The following CLIP1 variants were observed in gnomAD, a reference collection of about 807,000 sequenced individuals.
CLIP1 encodes the protein CAP-Gly domain-containing linker protein 1.
A neutral mutation model predicts 161.6 loss-of-function variants in CLIP1; 66 were observed. The ratio of observed to expected loss-of-function variants is 0.41; its 90% CI spans 0.33 to 0.50. CLIP1 has a LOEUF of 0.50. Ranked by LOEUF, CLIP1 falls within the 20% of genes least tolerant of loss-of-function variation. The pLI, the probability that CLIP1 is intolerant of heterozygous loss-of-function variation, is 0.27. For synonymous variants in CLIP1, 598 were observed against 626.2 expected (o/e 0.96, Z 0.67); for missense variants, 1,376 against 1,702.0 (o/e 0.81, Z 3.37).
intron 1 of CLIP1, among the ~76,000 whole-genome samples, chr12:122,391,558 C>T (rs573585914): frequency 3.2e-4 from 49 of 152,218 alleles, no homozygotes; most frequent in Non-Finnish European, 6.6e-4. Flanking sequence ...CGTACTCCAG[C>T]CTGGGGCACA....
chr12:122,296,837 C>G lies in CLIP1; in HGVS notation c.3595-8296G>C, dbSNP rs183051406. On this transcript the variant is annotated intron_variant, in intron 20 of 25. Transcript: ENST00000620786. The stretch of plus-strand genomic sequence containing the variant: ...TATGATCATGCCACTGCACGCTAGC[C>G]TGGGTGACAAAGTGAGACTACCTCA... Among the ~76,000 whole-genome samples, 18 of 130,624 alleles carry G rather than the reference C, an allele frequency of 1.4e-4. No homozygotes were observed. In the Admixed American group the frequency reaches 1.4e-3, roughly 10 times the overall value. 85.7% of individuals were successfully genotyped at this position (130,624 alleles called of 152,430 possible). A position where few individuals can be genotyped will look rare whatever the true frequency, so the allele number is the denominator to read the frequency against.
intron 19 of CLIP1, among the ~76,000 whole-genome samples, chr12:122,314,049 T>C (rs1951168207): frequency 6.6e-6 from 1 of 152,024 alleles, no homozygotes; most frequent in Non-Finnish European, 1.5e-5. Context: ...TCCCAGCACT[T>C]TGGGAGGCTG....
intron 1 of CLIP1, among the ~76,000 whole-genome samples, chr12:122,398,009 A>C (rs1055002339): frequency 1.3e-5 from 2 of 152,086 alleles, no homozygotes; most frequent in African/African-American, 4.8e-5. Context: ...CACTGAAATA[A>C]GTGGGCTTAT....
At chr12:122,293,430 G>A (rs192738208) in intron 20 of CLIP1, among the ~76,000 whole-genome samples, 1 of 152,182 alleles carries the variant, frequency 6.6e-6, no homozygotes, top group African/African-American at 2.4e-5. Context: ...ATAAATTGCT[G>A]GTGAGAATGT....
chr12:122,393,710 G>A (rs1218416984), intron 1 of CLIP1, among the ~76,000 whole-genome samples: 3 of 151,768 alleles, frequency 2.0e-5, no homozygotes, highest in Non-Finnish European at 4.4e-5. Flanking sequence ...TCAGTAGTTC[G>A]AGACCAGCCT....
intron 1 of CLIP1, among the ~76,000 whole-genome samples, chr12:122,415,203 TG>T (rs1956696812): frequency 6.6e-6 from 1 of 152,164 alleles, no homozygotes; most frequent in Non-Finnish European, 1.5e-5. Flanking sequence ...GAAAAGTGGC[TG>T]GGCGCAGTGG....
chr12:122,273,970 T>TGGTC, intron 25 of CLIP1, 68 bp downstream of exon 25: 1 of 1,429,878 alleles, frequency 7.0e-7, no homozygotes, highest in South Asian at 1.2e-5. Context: ...GACCCTCAAG[T>TGGTC]GGTCCGCCCG....
chr12:122,330,604 T>TTTG (rs1437985397), intron 15 of CLIP1, among the ~76,000 whole-genome samples: 2 of 139,456 alleles, frequency 1.4e-5, no homozygotes, highest in South Asian at 4.8e-4. Context: ...GCAGTTTTTT[T>TTTG]TTTTTTTTTT....
At chr12:122,388,484 G>A (rs986839698) in intron 1 of CLIP1, among the ~76,000 whole-genome samples, 11 of 152,164 alleles carry the variant, frequency 7.2e-5, no homozygotes, top group African/African-American at 2.7e-4. Context: ...CTCCTAAAGT[G>A]CTGGGATTAC....
chr12:122,273,748 T>C (rs961109076), intron 25 of CLIP1, among the ~76,000 whole-genome samples: 2 of 152,174 alleles, frequency 1.3e-5, no homozygotes, highest in African/African-American at 4.8e-5. Flanking sequence ...ATGGTTTTTT[T>C]TGAGACAGGG....
rs1303544207 is a variant in CLIP1 at position 122,282,358 on chromosome 12, C to CA, written c.3648-3214dup. Among the ~76,000 whole-genome samples the CA allele has an allele frequency of 1.5e-4, 23 of 151,400 alleles. No homozygotes were observed. In the East Asian group the frequency reaches 2.9e-3, roughly 19 times the overall value. On this transcript the variant is annotated intron_variant, in intron 21 of 25. Transcript: ENST00000620786. Reference sequence around the variant, plus strand: ...ATTAGCTGGAATGACTTGGTATTACCAAAAAAAATCAAGAAGGGAAAATAA... The same window carrying CA: ...ATTAGCTGGAATGACTTGGTATTACCAAAAAAAAATCAAGAAGGGAAAATAA...
In CLIP1 at chr12:122,279,819, T is replaced by C. The variant is rs1955572449; in HGVS notation, c.3648-674A>G. 4 of 152,284 alleles carry C rather than the reference T, an allele frequency of 2.6e-5. No homozygotes were observed. The South Asian group carries it at 8.3e-4, about 32-fold the overall frequency. 9.4% of individuals were successfully genotyped at this position (152,284 alleles called of 1,614,324 possible). A position where few individuals can be genotyped will look rare whatever the true frequency, so the allele number is the denominator to read the frequency against. ...CTAGAACAGAAAATGTTAAAATGGT[T>C]TTCTCAGGTGCAGAATGAAAGCATG... On this transcript the variant is annotated intron_variant, in intron 21 of 25. Transcript: ENST00000620786. This position sits in a 1 kb window ranked among gnomAD's most constrained non-coding sequence, Gnocchi z 4.5.
upstream of CLIP1, among the ~76,000 whole-genome samples, chr12:122,422,886 G>T (rs1371345920): frequency 6.6e-6 from 1 of 151,874 alleles, no homozygotes; most frequent in Non-Finnish European, 1.5e-5. Flanking sequence ...CCGAGCCCCG[G>T]CTTGGGGAGC....
At chr12:122,392,396 A>G (rs1955696425) in intron 1 of CLIP1, among the ~76,000 whole-genome samples, 1 of 152,206 alleles carries the variant, frequency 6.6e-6, no homozygotes, top group Non-Finnish European at 1.5e-5. Context: ...ATCCCCTATA[A>G]CCTGCCTCAT....
chr12:122,382,936 T>C (rs1354446197), intron 1 of CLIP1, among the ~76,000 whole-genome samples: 2 of 152,158 alleles, frequency 1.3e-5, no homozygotes, highest in East Asian at 1.9e-4. Flanking sequence ...ACAGTCAGGT[T>C]TGAAACCACC....
chr12:122,387,559 T>C (rs1446171457), intron 1 of CLIP1, among the ~76,000 whole-genome samples: 22 of 9,522 alleles, frequency 2.3e-3, no homozygotes, highest in African/African-American at 3.5e-3. Context: ...TATATATATA[T>C]ATATATATAT....
intron 1 of CLIP1, among the ~76,000 whole-genome samples, chr12:122,418,864 A>C (rs1956842092): frequency 6.6e-6 from 1 of 152,230 alleles, no homozygotes; most frequent in Non-Finnish European, 1.5e-5. Context: ...AACACATTTG[A>C]CCTCTCAGAG....
At chr12:122,336,792 G>C in intron 11 of CLIP1, 44 bp from the exon 12 acceptor site, 2 of 804,292 alleles carry the variant, frequency 2.5e-6, no homozygotes, top group Non-Finnish European at 3.8e-6. Flanking sequence ...TGAACAAAAG[G>C]AAAACAAAAG....
intron 24 of CLIP1, chr12:122,276,297 T>C: frequency 9.7e-7 from 1 of 1,032,398 alleles, no homozygotes; most frequent in Non-Finnish European, 1.2e-6. Flanking sequence ...CTTCTCAACG[T>C]GCATTTTCTA....
Sources: allele counts gnomAD v4.1 joint callset (sites outside exome capture counted in the v4.1 genomes callset), GRCh38; gene constraint gnomAD v4.1.1; non-coding constraint Gnocchi (gnomAD v3.1); transcripts MANE v1.5; gene names NCBI Gene and HGNC (gene_info 2026-07-23, HGNC 2026-07-21).